ALMS1: variants seen among roughly 807,000 people sequenced by gnomAD.
ALMS1 encodes centrosome-associated protein ALMS1.
ALMS1 carries 271 observed loss-of-function variants against 352.2 expected under a neutral mutation model. That is an observed-to-expected ratio of 0.77 (90% CI 0.70 to 0.85). ALMS1 has a LOEUF of 0.85. ALMS1 is among the 40% of genes least tolerant of loss of function. ALMS1 has a pLI of 0.00. For missense variants in ALMS1, 5,445 were observed against 4,870.7 expected, an observed-to-expected ratio of 1.12 and a Z score of -3.51; for synonymous variants, 1,865 against 1,761.2, an observed-to-expected ratio of 1.06 and a Z score of -1.48.
chr2:73,401,929 A>G (rs989827740), intron 1 of ALMS1, among the ~76,000 whole-genome samples: 3 of 152,028 alleles, frequency 2.0e-5, no homozygotes, highest in African/African-American at 4.8e-5. Flanking sequence ...GTATTTTTCT[A>G]TCTTCCAGGT....
At chr2:73,436,913 G>A (rs1221311193) in intron 7 of ALMS1, among the ~76,000 whole-genome samples, 6 of 152,144 alleles carry the variant, frequency 3.9e-5, no homozygotes, top group South Asian at 4.1e-4. Flanking sequence ...TGTTCCCCCT[G>A]TGAAGGGGTC....
intron 16 of ALMS1, among the ~76,000 whole-genome samples, chr2:73,589,842 G>C (rs1242302489): frequency 2.0e-5 from 3 of 152,162 alleles, no homozygotes; most frequent in African/African-American, 4.8e-5. Flanking sequence ...GTCTGAAACT[G>C]TCTTTAGCAT....
At chr2:73,443,958 T>G (rs1238998124) in intron 7 of ALMS1, among the ~76,000 whole-genome samples, 2 of 152,212 alleles carry the variant, frequency 1.3e-5, no homozygotes, top group African/African-American at 2.4e-5. Flanking sequence ...CTATATGTCT[T>G]TCTTTATGTT....
At chr2:73,552,634 TTACAGACTTTGCATCCTAAG>T (rs1408743057) in intron 13 of ALMS1, among the ~76,000 whole-genome samples, 1 of 152,214 alleles carries the variant, frequency 6.6e-6, no homozygotes, top group Non-Finnish European at 1.5e-5. Flanking sequence ...GTTGGTCTAC[TTACAGACTTTGCATCCTAAG>T]GAAAAGCCCT....
At chr2:73,474,131 C>T (rs1026373810) in intron 9 of ALMS1, among the ~76,000 whole-genome samples, 1 of 151,158 alleles carries the variant, frequency 6.6e-6, no homozygotes, top group African/African-American at 2.4e-5. Flanking sequence ...ATGAAGTCAG[C>T]TTTAACAGAT....
At chr2:73,517,403 G>A (rs890534896) in intron 10 of ALMS1, among the ~76,000 whole-genome samples, 2 of 151,210 alleles carry the variant, frequency 1.3e-5, no homozygotes, top group Admixed American at 6.6e-5. Context: ...ATAGGCGCAT[G>A]CCACTGTGCC....
At chr2:73,422,712 C>T (rs1671307795) in intron 3 of ALMS1, 145 bp from the exon 4 acceptor site, 5 of 683,896 alleles carry the variant, frequency 7.3e-6, no homozygotes, top group South Asian at 1.7e-5. Flanking sequence ...ATGGTAGCTG[C>T]TACTGCTGTT....
At chr2:73,587,817 T>A (rs1417478606) in intron 16 of ALMS1, among the ~76,000 whole-genome samples, 1 of 152,098 alleles carries the variant, frequency 6.6e-6, no homozygotes, top group African/African-American at 2.4e-5. Context: ...GTAAACTCAA[T>A]TAGAAACAAA....
At chr2:73,469,713 T>G (rs1243197321) in intron 9 of ALMS1, 1 of 151,894 alleles carries the variant, frequency 6.6e-6, no homozygotes, top group East Asian at 1.9e-4. Context: ...AGGTGAATTA[T>G]TTAGGGTCGA....
At position 73,451,854 on chromosome 2, in the gene ALMS1, G is replaced by A. The variant is rs182614909; in HGVS notation, c.5327G>A (p.Ser1776Asn). 6.2e-7 allele frequency: 1 copy of A among 1,613,536 alleles called. No individual in the cohort carries two copies. Among genetic ancestry groups the A allele is most frequent in the East Asian group, 2.2e-5 (1 of 44,832 alleles). ...TCTTACCAGCAAGAGTTGCCAGATA[G>A]TCATCTAACTGAAGAGGCTCTGAAA... ...NISYQQELPD[S>N]HLTEEALKVS... Residue 1776 changes from serine (S) to asparagine (N), a missense_variant, in exon 8 of 23, where the codon AGT becomes AAT. Ser to Asn is a conservative substitution (Grantham distance 46). Transcript: ENST00000613296.
At chr2:73,438,703 G>A (rs1476683302) in intron 7 of ALMS1, among the ~76,000 whole-genome samples, 1 of 152,200 alleles carries the variant, frequency 6.6e-6, no homozygotes, top group Non-Finnish European at 1.5e-5. Flanking sequence ...GGTACCTCAT[G>A]GAATACAATA....
At chr2:73,596,086 A>G (rs570803950) in intron 16 of ALMS1, among the ~76,000 whole-genome samples, 1 of 152,344 alleles carries the variant, frequency 6.6e-6, no homozygotes, top group East Asian at 1.9e-4. Context: ...TTTGAATTGC[A>G]AATGGTTTTA....
At chr2:73,604,620 C>G (rs1675774525) in intron 21 of ALMS1, among the ~76,000 whole-genome samples, 1 of 152,148 alleles carries the variant, frequency 6.6e-6, no homozygotes, top group East Asian at 1.9e-4. Flanking sequence ...TGTTTTTACT[C>G]TATCTAGTCA....
In ALMS1 at chr2:73,449,507, C is replaced by T. The variant is rs768081061; in HGVS notation, c.2980C>T (p.Pro994Ser). 6.2e-7 allele frequency: 1 copy of T among 1,613,874 alleles called. No homozygotes were observed. The highest frequency in any genetic ancestry group is 1.1e-5 in the South Asian group (1 of 91,066). Reference protein sequence around the residue: ...IPGLTDQKTVPTPTVPSGSFS... With the variant: ...IPGLTDQKTVSTPTVPSGSFS... ...TGGACTGACTGACCAGAAGACTGTC[C>T]CAACACCAACAGTACCTTCAGGTTC... The change falls in exon 8 of 23, where the codon CCA becomes TCA. Residue 994 changes from proline (P) to serine (S), a missense_variant. Coordinates refer to ENST00000613296, the MANE Select transcript of ALMS1 (RefSeq NM_001378454.1).
rs539285511 is a variant in ALMS1 at position 73,460,202 on chromosome 2, C to G, written c.7674+4907C>G. Among the ~76,000 whole-genome samples, 8 of 152,192 alleles carry G rather than the reference C, an allele frequency of 5.3e-5. No individual in the cohort carries two copies. In the South Asian group the frequency reaches 1.7e-3, roughly 32 times the overall value. On this transcript the variant is annotated intron_variant, in intron 9 of 22. Transcript: ENST00000613296. Reference sequence around the variant, plus strand: ...CAACAGATTGAATTTCTTTCCCAGCCCCAACTCTTTCAACCCACAAGTTTT... The same window carrying G: ...CAACAGATTGAATTTCTTTCCCAGCGCCAACTCTTTCAACCCACAAGTTTT...
chr2:73,601,553 A>T, intron 19 of ALMS1, 117 bp downstream of exon 19: 1 of 1,473,684 alleles, frequency 6.8e-7, no homozygotes, highest in Non-Finnish European at 9.3e-7. Flanking sequence ...GCTCTTTTCC[A>T]GCACCTCCGC....
intron 9 of ALMS1, among the ~76,000 whole-genome samples, chr2:73,486,578 C>T (rs1197432782): frequency 6.6e-6 from 1 of 152,164 alleles, no homozygotes; most frequent in East Asian, 1.9e-4. Flanking sequence ...TTCTTCAGCT[C>T]CAAGTCTGTA....
rs552270208 is a variant in ALMS1, at chr2:73,480,824, C to G, written c.7675-8810C>G. Among the ~76,000 whole-genome samples the G allele has an allele frequency of 3.7e-3, 557 of 151,780 alleles. 3 individuals carry two copies. Among genetic ancestry groups the G allele is most frequent in the African/African-American group, 0.012 (513 of 41,316 alleles). On this transcript the variant is annotated intron_variant, in intron 9 of 22. Coordinates refer to ENST00000613296, the MANE Select transcript of ALMS1 (RefSeq NM_001378454.1). ...TTTTGATTTGCATTTCTCTGATGTC[C>G]AGTGATGATGAGCATTTTTTCATGT... is the stretch of plus-strand genomic sequence containing the variant.
intron 16 of ALMS1, among the ~76,000 whole-genome samples, chr2:73,598,613 C>G (rs1675603569): frequency 6.6e-6 from 1 of 152,168 alleles, no homozygotes; most frequent in South Asian, 2.1e-4. Context: ...CTCCACCAGA[C>G]CTGCCTAAGT....
Sources: gnomAD v4.1 joint callset for allele counts (sites outside exome capture counted in the v4.1 genomes callset) on GRCh38, gnomAD v4.1.1 for gene constraint, MANE v1.5 for transcripts, NCBI Gene and HGNC (gene_info 2026-07-23, HGNC 2026-07-21) for gene names.